CENPF: variants seen among roughly 807,000 people sequenced by gnomAD.
CENPF encodes the protein centromere protein F, also known as AH antigen.
Under a neutral mutation model 307.3 loss-of-function variants are expected in CENPF, and 214 were observed. The observed-to-expected ratio is 0.70, with a 90% CI of 0.62 to 0.78. CENPF has a LOEUF of 0.78. Among genes scored for constraint, CENPF ranks in the 30% least tolerant of loss-of-function variants. The probability of loss-of-function intolerance (pLI) is 0.00; values close to 1 mark genes in which losing one functional copy is unlikely to be tolerated. For synonymous variants in CENPF, 1,259 were observed against 1,270.6 expected (o/e 0.99, Z 0.19); for missense variants, 3,401 against 3,483.9 (o/e 0.98, Z 0.60).
chr1:214,657,103 G>A lies in CENPF; in HGVS notation c.8656G>A (p.Ala2886Thr). Residue 2886 changes from alanine to threonine, a missense_variant, in exon 18 of 20, where the codon GCC becomes ACC. Coordinates refer to ENST00000366955, the MANE Select transcript of CENPF (RefSeq NM_016343.4). ...KAKEMLETQV[A>T]HLCSQQSKQD... ...TAAAGAGATGTTAGAGACACAAGTGGCCCATCTGTGTTCACAGCAATCTAA... is the reference window on the plus strand; with the variant it reads ...TAAAGAGATGTTAGAGACACAAGTGACCCATCTGTGTTCACAGCAATCTAA... 1 of 1,614,182 alleles carries A rather than the reference G, an allele frequency of 6.2e-7. No individual in the cohort carries two copies.
At chr1:214,649,541 A>G (rs1442566990) in intron 14 of CENPF, among the ~76,000 whole-genome samples, 1 of 152,236 alleles carries the variant, frequency 6.6e-6, no homozygotes, top group Non-Finnish European at 1.5e-5. Flanking sequence ...ACCCTGAATA[A>G]TCACAGAAAT....
chr1:214,646,386 A>G lies in CENPF; in HGVS notation c.6816A>G (p.Val2272=). The change falls in exon 13 of 20, where the codon GTA becomes GTG. Residue 2272 remains valine (V), a synonymous_variant. Coordinates refer to ENST00000366955, the MANE Select transcript of CENPF (RefSeq NM_016343.4). ...AGTTAAAGGAGCTAAATGAGGCAGT[A>G]GCAGCCTTGTGTGGTGACCAAGAAA... ...QNQLKELNEA[V]AALCGDQEIM... 1 of 1,614,186 alleles carries G rather than the reference A, an allele frequency of 6.2e-7. No homozygotes were observed. The highest frequency in any genetic ancestry group is 1.1e-5 in the South Asian group (1 of 91,084).
Position 214,646,136 on chromosome 1 carries a change from C to G in CENPF, c.6566C>G (p.Thr2189Arg), listed in dbSNP as rs781157276. 1.2e-6 allele frequency: 2 copies of G among 1,613,918 alleles called. No individual in the cohort carries two copies. The highest frequency in any genetic ancestry group is 3.3e-5 in the Admixed American group (2 of 59,982). Residue 2189 changes from threonine to arginine, a missense_variant, in exon 13 of 20, where the codon ACA (threonine) becomes AGA (arginine). By Grantham distance (71) the Thr-to-Arg change is moderately conservative (BLOSUM62 -1). Coordinates refer to ENST00000366955, the MANE Select transcript of CENPF (RefSeq NM_016343.4). ...NSKAEVETLK[T>R]QIEEMARSLK... ...AAAGCAGAAGTAGAGACTCTAAAAACACAAATAGAAGAGATGGCCAGAAGC... is the reference window on the plus strand; with the variant it reads ...AAAGCAGAAGTAGAGACTCTAAAAAGACAAATAGAAGAGATGGCCAGAAGC...
chr1:214,614,015 A>G lies in CENPF; in HGVS notation c.162+99A>G. 3 of 1,167,720 alleles carry G rather than the reference A, an allele frequency of 2.6e-6. No homozygotes were observed. In the Admixed American group the frequency reaches 9.0e-5, roughly 35 times the overall value. The allele number at this position is 1,167,720 out of a possible 1,614,324, so 72.3% of individuals were successfully genotyped here. On this transcript the variant is annotated intron_variant, in intron 2 of 19. Coordinates refer to ENST00000366955, the MANE Select transcript of CENPF (RefSeq NM_016343.4). ...CACTCATTTTTGGATTAATTATTTC[A>G]TCTTCTTTACATTTAGAGAAAAATG...
chr1:214,639,921 C>A lies in CENPF; in HGVS notation c.1583C>A (p.Ala528Glu). The change falls in exon 12 of 20, where the codon GCG becomes GAG. Residue 528 changes from alanine (A) to glutamate (E), a missense_variant and splice_region_variant. Transcript: ENST00000366955. The part of the protein sequence containing the change: ...QSQNFAEEMK[A>E]KNTSQETMLR... ...ACGACTTTTATTTATTTTTAAATAG[C>A]GAAGAATACCTCTCAGGAAACCATG... 1 of 1,479,688 alleles carries A rather than the reference C, an allele frequency of 6.8e-7. No homozygotes were observed. The highest frequency in any genetic ancestry group is 8.9e-7 in the Non-Finnish European group (1 of 1,119,270). 91.7% of individuals were successfully genotyped at this position (1,479,688 alleles called of 1,614,324 possible).
intron 1 of CENPF, among the ~76,000 whole-genome samples, chr1:214,607,066 C>T (rs1000157059): frequency 6.6e-6 from 1 of 152,226 alleles, no homozygotes; most frequent in Non-Finnish European, 1.5e-5. Context: ...CACCCATGCC[C>T]CAAAGGATGC....
chr1:214,621,149 A>G (rs185608878), intron 6 of CENPF, among the ~76,000 whole-genome samples: 38 of 152,338 alleles, frequency 2.5e-4, no homozygotes, highest in Non-Finnish European at 4.3e-4. Context: ...TTTTATTTGT[A>G]TTGAAAAGCT....
In CENPF at chr1:214,657,002, A is replaced by C; in HGVS notation, c.8555A>C (p.Glu2852Ala). The change falls in exon 18 of 20, where the codon GAA becomes GCA. Residue 2852 changes from glutamate to alanine, a missense_variant. By Grantham distance (107) the Glu-to-Ala change is moderately radical (BLOSUM62 -1). Transcript: ENST00000366955. ...AAAGAACTGAAAGAAACTCTTGAAGAAAAAACCAAGGAGGCAGATGAATAC... is the reference window on the plus strand; with the variant it reads ...AAAGAACTGAAAGAAACTCTTGAAGCAAAAACCAAGGAGGCAGATGAATAC... ...EIKELKETLE[E>A]KTKEADEYLD... The C allele has an allele frequency of 6.2e-7, 1 of 1,613,790 alleles. No homozygotes were observed. Among genetic ancestry groups the C allele is most frequent in the South Asian group, 1.1e-5 (1 of 91,064 alleles).
rs375681596 is a variant in CENPF at position 214,641,691 on chromosome 1, A to G, written c.3353A>G (p.Gln1118Arg). 194 of 1,580,362 alleles carry G rather than the reference A, an allele frequency of 1.2e-4. No individual in the cohort carries two copies. The highest frequency in any genetic ancestry group is 1.6e-4 in the Non-Finnish European group (191 of 1,166,328). ...QALRSEMTDN[Q>R]NNSKSEAGGL... is the part of the protein sequence containing the mutation. ...CTGAGATCTGAGATGACAGATAACCAAAACAATTCTAAGAGCGAGGCTGGT... is the reference window on the plus strand; with the variant it reads ...CTGAGATCTGAGATGACAGATAACCGAAACAATTCTAAGAGCGAGGCTGGT... The change falls in exon 12 of 20, where the codon CAA (glutamine) becomes CGA (arginine). Residue 1118 changes from glutamine to arginine, a missense_variant. Gln to Arg is a conservative substitution (Grantham distance 43). Transcript: ENST00000366955.
intron 14 of CENPF, 34 bp downstream of exon 14, chr1:214,648,861 T>A (rs756882491): frequency 1.2e-6 from 2 of 1,602,240 alleles, no homozygotes; most frequent in East Asian, 4.5e-5. Context: ...TATTATGATC[T>A]GTTAATTCAT....
chr1:214,660,335 AT>A (rs1310577400), intron 19 of CENPF, among the ~76,000 whole-genome samples: 2 of 152,038 alleles, frequency 1.3e-5, no homozygotes, highest in Admixed American at 6.6e-5. Flanking sequence ...TTTTGTGCAA[AT>A]TTTTCTCCCC....
rs1192111121 is a variant in CENPF at position 214,645,125 on chromosome 1, A to G, written c.5555A>G (p.Asp1852Gly). Residue 1852 changes from aspartate (D) to glycine (G), a missense_variant, in exon 13 of 20, where the codon GAT becomes GGT. By Grantham distance (94) the Asp-to-Gly change is moderately conservative (BLOSUM62 -1). Transcript: ENST00000366955. ...LSEKLEYFSC[D>G]HQELLQRVET... ...GAAAAATTGGAATATTTTTCTTGTG[A>G]TCACCAGGAGTTACTCCAGAGAGTA... is the stretch of plus-strand genomic sequence containing the variant. The G allele has an allele frequency of 2.5e-6, 4 of 1,613,066 alleles. No homozygotes were observed. Among genetic ancestry groups the G allele is most frequent in the South Asian group, 2.2e-5 (2 of 90,834 alleles).
intron 10 of CENPF, among the ~76,000 whole-genome samples, chr1:214,637,408 C>T (rs1657992077): frequency 6.6e-6 from 1 of 151,406 alleles, no homozygotes; most frequent in Non-Finnish European, 1.5e-5. Flanking sequence ...CAGAATCATT[C>T]CTGTAACAGC....
chr1:214,627,340 T>G (rs1482177476), intron 7 of CENPF, among the ~76,000 whole-genome samples: 6 of 149,450 alleles, frequency 4.0e-5, no homozygotes, highest in African/African-American at 1.5e-4. Flanking sequence ...ATTACAGGTG[T>G]GAGACATCGC....
chr1:214,642,884 G>C lies in CENPF; in HGVS notation c.4546G>C (p.Val1516Leu), dbSNP rs1658169551. 4 of 1,613,930 alleles carry C rather than the reference G, an allele frequency of 2.5e-6. No individual in the cohort carries two copies. Among genetic ancestry groups the C allele is most frequent in the Non-Finnish European group, 3.4e-6 (4 of 1,180,010 alleles). Residue 1516 changes from valine (V) to leucine (L), a missense_variant, in exon 12 of 20, where the codon GTT (valine) becomes CTT (leucine). Coordinates refer to ENST00000366955, the MANE Select transcript of CENPF (RefSeq NM_016343.4). ...TCTTTTGAGTAATTTAGAAGGGGCT[G>C]TTTCAGCAAACCAGTGCAGTGTAGA... Reference protein sequence around the residue: ...MSLLSNLEGAVSANQCSVDEV... With the variant: ...MSLLSNLEGALSANQCSVDEV...
chr1:214,606,718 C>A (rs143263561), intron 1 of CENPF, among the ~76,000 whole-genome samples: 1 of 152,008 alleles, frequency 6.6e-6, no homozygotes, highest in African/African-American at 2.4e-5. Context: ...GACAAGTCCT[C>A]GGCCACCTCA....
chr1:214,644,500 C>T lies in CENPF; in HGVS notation c.4987-57C>T, dbSNP rs139252405. 1.9e-4 allele frequency: 283 copies of T among 1,469,280 alleles called. No individual in the cohort carries two copies. The East Asian group carries it at 6.3e-3, about 33-fold the overall frequency. 91.0% of individuals were successfully genotyped at this position (1,469,280 alleles called of 1,614,324 possible). A position where few individuals can be genotyped will look rare whatever the true frequency, so the allele number is the denominator to read the frequency against. ...CTAAAAAGTAATAACTAAATCTATT[C>T]TATTTTGATTCTTTTTGAAAAATAA... On this transcript the variant is annotated intron_variant, in intron 12 of 19. Transcript: ENST00000366955.
Position 214,644,570 on chromosome 1 carries a change from G to T in CENPF, c.5000G>T (p.Arg1667Leu). The T allele has an allele frequency of 1.9e-6, 3 of 1,591,238 alleles. No homozygotes were observed. Among genetic ancestry groups the T allele is most frequent in the Non-Finnish European group, 2.6e-6 (3 of 1,168,320 alleles). ...TTATAATTACAGGCTATTCAAGGCC[G>T]AAATGAGAGCTGTGACATATCAAAA... The part of the protein sequence containing the change: ...GIDTEDAIQG[R>L]NESCDISKEH... The change falls in exon 13 of 20, where the codon CGA becomes CTA. Residue 1667 changes from arginine to leucine, a missense_variant. Transcript: ENST00000366955.
rs1337692873 is a variant in CENPF, at chr1:214,664,097, T to C, written c.*303T>C. The C allele has an allele frequency of 1.3e-5, 3 of 223,464 alleles. No individual in the cohort carries two copies. Among genetic ancestry groups the C allele is most frequent in the African/African-American group, 6.8e-5 (3 of 44,166 alleles). The allele number at this position is 223,464 out of a possible 1,614,324, so 13.8% of individuals were successfully genotyped here. ...ATGACAAGCACTATATCACAATCTC[T>C]GTTTGTATGTGGGTTTTACACTAAA... On this transcript the variant is annotated 3_prime_UTR_variant, in exon 20 of 20. Transcript: ENST00000366955.
Sources: gnomAD v4.1 joint callset for allele counts (sites outside exome capture counted in the v4.1 genomes callset) on GRCh38, gnomAD v4.1.1 for gene constraint, MANE v1.5 for transcripts, NCBI Gene and HGNC (gene_info 2026-07-23, HGNC 2026-07-21) for gene names.